The following PDK1 variants were observed in gnomAD, a reference collection of about 807,000 sequenced individuals.
PDK1 encodes [Pyruvate dehydrogenase (acetyl-transferring)] kinase isozyme 1, mitochondrial.
Under a neutral mutation model 54.2 loss-of-function variants are expected in PDK1, and 39 were observed. The observed-to-expected ratio is 0.72, with a 90% CI of 0.56 to 0.94. PDK1 has a LOEUF of 0.94. PDK1 is among the 40% of genes least tolerant of loss of function. PDK1 has a pLI of 0.00. For missense variants in PDK1, 552 were observed against 566.0 expected (o/e 0.98, Z 0.25); for synonymous variants, 221 against 207.1 (o/e 1.07, Z -0.58).
At chr2:172,581,622 G>C (rs1348966430) in intron 8 of PDK1, among the ~76,000 whole-genome samples, 1 of 152,124 alleles carries the variant, frequency 6.6e-6, no homozygotes, top group African/African-American at 2.4e-5. Flanking sequence ...TCACATGAAG[G>C]CATCTCCTCT....
the PDK1 span, among the ~76,000 whole-genome samples, chr2:172,686,052 A>G: frequency 6.6e-6 from 1 of 152,248 alleles, no homozygotes; most frequent in Non-Finnish European, 1.5e-5. Context: ...TTAACCACTG[A>G]AGACTTGTAT....
At chr2:172,569,627 C>T (rs1689139452) in intron 7 of PDK1, among the ~76,000 whole-genome samples, 1 of 152,240 alleles carries the variant, frequency 6.6e-6, no homozygotes, top group Non-Finnish European at 1.5e-5. Context: ...GAAAAACTGA[C>T]CGAATATCTT....
the PDK1 span, among the ~76,000 whole-genome samples, chr2:172,630,599 G>A: frequency 6.6e-6 from 1 of 150,984 alleles, no homozygotes; most frequent in South Asian, 2.1e-4. Flanking sequence ...TATTCATATG[G>A]TCATATCCAC....
rs116678071 is a variant in PDK1 at position 172,588,627 on chromosome 2, A to G, written c.1056+2239A>G. Among the ~76,000 whole-genome samples the G allele has an allele frequency of 7.5e-3, 1,146 of 152,250 alleles. 20 individuals carry two copies. The highest frequency in any genetic ancestry group is 0.026 in the African/African-American group (1,073 of 41,538). ...CCTTAACAAGGCTAAGACTGTTACTAATTTCTTGCAGAGCCTCCTTTCTGC... is the reference window on the plus strand; with the variant it reads ...CCTTAACAAGGCTAAGACTGTTACTGATTTCTTGCAGAGCCTCCTTTCTGC... On this transcript the variant is annotated intron_variant, in intron 9 of 10. Transcript: ENST00000282077.
the PDK1 span, among the ~76,000 whole-genome samples, chr2:172,658,932 C>T: frequency 1.3e-3 from 203 of 152,250 alleles, 1 homozygote; most frequent in African/African-American, 4.7e-3. Flanking sequence ...TTTGATTTTG[C>T]CCTTTGCCTT....
the PDK1 span, among the ~76,000 whole-genome samples, chr2:172,655,877 C>G: frequency 0.048 from 7,379 of 152,226 alleles, 392 homozygotes; most frequent in African/African-American, 0.13. Flanking sequence ...CTGGGAGAAG[C>G]GGGTCACACA....
At chr2:172,656,433 C>CT in the PDK1 span, among the ~76,000 whole-genome samples, 2 of 152,128 alleles carry the variant, frequency 1.3e-5, no homozygotes, top group African/African-American at 4.8e-5. Flanking sequence ...TTTACAAGTG[C>CT]TTCTCAGGTC....
chr2:172,596,675 AGCT>A lies in PDK1; in HGVS notation c.*707_*709del, dbSNP rs1690911377. ...ACTGAAAACAAACAAACAAACTAGCAGCTACTAAAATAGAGAAGAAATTGAGGG... is the reference window on the plus strand; with the variant it reads ...ACTGAAAACAAACAAACAAACTAGCAACTAAAATAGAGAAGAAATTGAGGG... On this transcript the variant is annotated 3_prime_UTR_variant, in exon 11 of 11. Coordinates refer to ENST00000282077, the MANE Select transcript of PDK1 (RefSeq NM_002610.5). The A allele has an allele frequency of 6.6e-6, 1 of 152,250 alleles. No homozygotes were observed. Among genetic ancestry groups the A allele is most frequent in the South Asian group, 2.1e-4 (1 of 4,834 alleles). 9.4% of individuals were successfully genotyped at this position (152,250 alleles called of 1,614,324 possible).
rs1691365897 is a variant in PDK1 at position 172,608,489 on chromosome 2, A to G, written c.*12520A>G. 6.6e-6 allele frequency: 1 copy of G among 152,232 alleles called. No individual in the cohort carries two copies. The highest frequency in any genetic ancestry group is 2.4e-5 in the African/African-American group (1 of 41,468). 9.4% of individuals were successfully genotyped at this position (152,232 alleles called of 1,614,324 possible). ...ACTATGCAAGAAATTTTAAATTTCC[A>G]TCATGTTAAATTGTACAACTGTTTA... On this transcript the variant is annotated 3_prime_UTR_variant, in exon 11 of 11. Transcript: ENST00000282077.
intron 1 of PDK1, 47 bp downstream of exon 1, chr2:172,556,393 G>A (rs756690866): frequency 1.5e-6 from 2 of 1,321,776 alleles, no homozygotes; most frequent in Admixed American, 3.2e-5. Flanking sequence ...GTCCCGGGCG[G>A]GGAGCTGCGG....
At chr2:172,717,851 C>T in the PDK1 span, among the ~76,000 whole-genome samples, 4 of 152,254 alleles carry the variant, frequency 2.6e-5, no homozygotes, top group Non-Finnish European at 4.4e-5. Flanking sequence ...TAATGGAGCT[C>T]ACTGGCCTCT....
At chr2:172,588,115 C>T (rs965629979) in intron 9 of PDK1, among the ~76,000 whole-genome samples, 1 of 152,176 alleles carries the variant, frequency 6.6e-6, no homozygotes, top group Non-Finnish European at 1.5e-5. Flanking sequence ...TAGTAATGTC[C>T]TTCTCCAATT....
chr2:172,621,011 G>C, the PDK1 span, among the ~76,000 whole-genome samples: 1 of 152,158 alleles, frequency 6.6e-6, no homozygotes, highest in East Asian at 1.9e-4. Flanking sequence ...TGGGCACGGT[G>C]GCTCACTCCT....
At chr2:172,586,032 G>A (rs899356621) in intron 8 of PDK1, among the ~76,000 whole-genome samples, 3 of 151,816 alleles carry the variant, frequency 2.0e-5, no homozygotes, top group Non-Finnish European at 4.4e-5. Context: ...GGTGGCAGGC[G>A]CCTGTAGTCC....
At chr2:172,686,184 C>T in the PDK1 span, among the ~76,000 whole-genome samples, 10 of 152,186 alleles carry the variant, frequency 6.6e-5, no homozygotes, top group East Asian at 1.9e-4. Context: ...CAACAGGAAT[C>T]GTGGCCCTAG....
rs1248613047 is a variant in PDK1, at chr2:172,585,836, T to C, written c.946-442T>C. On this transcript the variant is annotated intron_variant, in intron 8 of 10. Coordinates refer to ENST00000282077, the MANE Select transcript of PDK1 (RefSeq NM_002610.5). ...GGTTCAACAGCGAGGGAAATGCTTA[T>C]ATTGGCAACTTGGATTGTGTTGTAT... Among the ~76,000 whole-genome samples, 5 of 152,096 alleles carry C rather than the reference T, an allele frequency of 3.3e-5. No homozygotes were observed. The East Asian group carries it at 7.7e-4, about 24-fold the overall frequency.
chr2:172,563,830 A>G (rs1399132324), intron 3 of PDK1, among the ~76,000 whole-genome samples: 1 of 151,430 alleles, frequency 6.6e-6, no homozygotes, highest in Admixed American at 6.6e-5. Context: ...GCAAAATTCC[A>G]TCTCAAAAAA....
At position 172,562,252 on chromosome 2, in the gene PDK1, T is replaced by G. The variant is rs770788565; in HGVS notation, c.371T>G (p.Phe124Cys). ...CAGAGTCTTCAGGAGCTTCTTGATT[T>G]TAAGGACAAAAGTGCTGAGGATGCT... ...YIQSLQELLD[F>C]KDKSAEDAKA... The change falls in exon 3 of 11, where the codon TTT (phenylalanine) becomes TGT (cysteine). Residue 124 changes from phenylalanine (F) to cysteine (C), a missense_variant. Phe to Cys is a radical substitution (Grantham distance 205). Transcript: ENST00000282077. The G allele has an allele frequency of 9.4e-6, 15 of 1,603,014 alleles. No homozygotes were observed. Among genetic ancestry groups the G allele is most frequent in the Admixed American group, 1.7e-5 (1 of 59,982 alleles).
chr2:172,714,248 T>C, the PDK1 span, among the ~76,000 whole-genome samples: 1 of 152,214 alleles, frequency 6.6e-6, no homozygotes, highest in Non-Finnish European at 1.5e-5. Flanking sequence ...CAAAAACCTA[T>C]GACATCACTC....
Sources: allele counts gnomAD v4.1 joint callset (sites outside exome capture counted in the v4.1 genomes callset), GRCh38; gene constraint gnomAD v4.1.1; transcripts MANE v1.5; gene names NCBI Gene and HGNC (gene_info 2026-07-23, HGNC 2026-07-21).